PIPOX: variants seen among roughly 807,000 people sequenced by gnomAD.
PIPOX encodes the protein pipecolic acid and sarcosine oxidase.
In PIPOX, 45 loss-of-function variants were observed where a neutral mutation model predicts 47.9. That is an observed-to-expected ratio of 0.94 (90% CI 0.74 to 1.20). PIPOX has a LOEUF of 1.20. Ranked by LOEUF, PIPOX falls within the 50% of genes most tolerant of loss-of-function variation. PIPOX has a pLI of 0.00. For missense variants in PIPOX, 458 were observed against 498.4 expected, an observed-to-expected ratio of 0.92 and a Z score of 0.77; for synonymous variants, 165 against 191.3, an observed-to-expected ratio of 0.86 and a Z score of 1.13.
chr17:29,043,421 C>A, intron 1 of PIPOX, 82 bp downstream of exon 1: 1 of 982,148 alleles, frequency 1.0e-6, no homozygotes, highest in Non-Finnish European at 1.6e-6. Flanking sequence ...AGCCAGCAGG[C>A]TACAGGGCAA....
chr17:29,046,698 G>A (rs2065786658), intron 2 of PIPOX: 1 of 985,254 alleles, frequency 1.0e-6, no homozygotes, highest in South Asian at 4.7e-5. Context: ...GAGGGAGAGG[G>A]ATCCTTGGGT....
At chr17:29,051,380 C>T (rs568704088) in intron 2 of PIPOX, among the ~76,000 whole-genome samples, 1 of 152,280 alleles carries the variant, frequency 6.6e-6, no homozygotes, top group East Asian at 1.9e-4. Context: ...CCACGGTGTC[C>T]CTACCCCCTC....
chr17:29,056,170 C>T lies in PIPOX; in HGVS notation c.1043-5C>T. 1 of 1,614,036 alleles carries T rather than the reference C, an allele frequency of 6.2e-7. No homozygotes were observed. Among genetic ancestry groups the T allele is most frequent in the Non-Finnish European group, 8.5e-7 (1 of 1,179,962 alleles). On this transcript the variant is annotated splice_polypyrimidine_tract_variant and splice_region_variant and intron_variant, in intron 7 of 7. Coordinates refer to ENST00000323372, the MANE Select transcript of PIPOX (RefSeq NM_016518.3). Reference sequence around the variant, plus strand: ...CTGCCTGAGAGTCTGCTCTTCCCTTCCTAGGGCACGGGTTCAAGCTGGCCC... The same window carrying T: ...CTGCCTGAGAGTCTGCTCTTCCCTTTCTAGGGCACGGGTTCAAGCTGGCCC...
At chr17:29,054,991 G>C in intron 5 of PIPOX, 72 bp from the exon 6 acceptor site, 1 of 1,583,604 alleles carries the variant, frequency 6.3e-7, no homozygotes, top group Non-Finnish European at 8.6e-7. Context: ...CTGTGTACAC[G>C]CCTGCCCTTC....
chr17:29,052,802 G>C, intron 2 of PIPOX, 118 bp from the exon 3 acceptor site: 1 of 811,648 alleles, frequency 1.2e-6, no homozygotes, highest in East Asian at 2.7e-5. Context: ...CAAATTAGTG[G>C]CCTCAAGTCA....
At chr17:29,049,503 A>G (rs549037356) in intron 2 of PIPOX, among the ~76,000 whole-genome samples, 13 of 152,172 alleles carry the variant, frequency 8.5e-5, no homozygotes, top group Non-Finnish European at 1.8e-4. Flanking sequence ...AAGCACTTAA[A>G]TGATTTTCAA....
intron 2 of PIPOX, among the ~76,000 whole-genome samples, chr17:29,049,478 A>T (rs1254054854): frequency 6.6e-6 from 1 of 152,204 alleles, no homozygotes; most frequent in Non-Finnish European, 1.5e-5. Flanking sequence ...ATCTAGAAAA[A>T]GCCATTAAGA....
chr17:29,051,115 T>C (rs1444855527), intron 2 of PIPOX, among the ~76,000 whole-genome samples: 5 of 151,926 alleles, frequency 3.3e-5, no homozygotes, highest in African/African-American at 1.2e-4. Context: ...AGCAAGACTC[T>C]GTCTTGGGAA....
chr17:29,043,894 A>G (rs1419426447), intron 1 of PIPOX, among the ~76,000 whole-genome samples: 1 of 151,736 alleles, frequency 6.6e-6, no homozygotes, highest in African/African-American at 2.4e-5. Flanking sequence ...CTGAGGCCTT[A>G]TTTTTCCTGC....
rs1319469403 is a variant in PIPOX, at chr17:29,053,074, G to C, written c.418G>C (p.Gly140Arg). ...PNIRLPRGEV[G>R]LLDNSGGVIY... ...TATTCGGTTGCCCAGGGGAGAAGTG[G>C]GGCTCTTGGACAATTCCGGAGGAGT... The change falls in exon 3 of 8, where the codon GGG becomes CGG. Residue 140 changes from glycine (G) to arginine (R), a missense_variant. Coordinates refer to ENST00000323372, the MANE Select transcript of PIPOX (RefSeq NM_016518.3). 1 of 1,614,190 alleles carries C rather than the reference G, an allele frequency of 6.2e-7. No homozygotes were observed. The highest frequency in any genetic ancestry group is 2.2e-5 in the East Asian group (1 of 44,884).
rs1374111902 is a variant in PIPOX, at chr17:29,053,512, T to C, written c.577T>C (p.Tyr193His). ...CACGGTGAAAACCACCTCCAGGAGC[T>C]ACCAAGCTAAGAGCTTGGTCATCAC... ...LVTVKTTSRS[Y>H]QAKSLVITAG... Residue 193 changes from tyrosine to histidine, a missense_variant, in exon 4 of 8, where the codon TAC becomes CAC. By Grantham distance (83) the Tyr-to-His change is moderately conservative (BLOSUM62 2). Transcript: ENST00000323372. The C allele has an allele frequency of 1.2e-6, 2 of 1,613,986 alleles. No homozygotes were observed. Among genetic ancestry groups the C allele is most frequent in the Non-Finnish European group, 1.7e-6 (2 of 1,179,878 alleles).
chr17:29,052,824 C>T (rs2065811253), intron 2 of PIPOX, 96 bp from the exon 3 acceptor site: 1 of 1,025,672 alleles, frequency 9.7e-7, no homozygotes, highest in Non-Finnish European at 1.5e-6. Flanking sequence ...CCTCCTGCCT[C>T]AGCCTCCTGA....
At chr17:29,051,109 A>C (rs1598238188) in intron 2 of PIPOX, among the ~76,000 whole-genome samples, 1 of 152,246 alleles carries the variant, frequency 6.6e-6, no homozygotes, top group African/African-American at 2.4e-5. Context: ...TGACAGAGCA[A>C]GACTCTGTCT....
chr17:29,052,951 G>A lies in PIPOX; in HGVS notation c.295G>A (p.Glu99Lys), dbSNP rs58011977. ...QTGLLLLGMK[E>K]NQELKTIQAN... ...TGGATTACTGCTGCTGGGAATGAAA[G>A]AGAATCAAGAATTAAAGACAATCCA... The change falls in exon 3 of 8, where the codon GAG (glutamate) becomes AAG (lysine). Residue 99 changes from glutamate to lysine, a missense_variant. Glu to Lys is a moderately conservative substitution (Grantham distance 56). Coordinates refer to ENST00000323372, the MANE Select transcript of PIPOX (RefSeq NM_016518.3). 154 of 1,614,234 alleles carry A rather than the reference G, an allele frequency of 9.5e-5. 2 individuals carry two copies. In the African/African-American group the frequency reaches 1.7e-3, roughly 18 times the overall value.
chr17:29,052,184 G>A (rs1288589104), intron 2 of PIPOX, among the ~76,000 whole-genome samples: 2 of 152,166 alleles, frequency 1.3e-5, no homozygotes, highest in Non-Finnish European at 2.9e-5. Context: ...AGAGGGAAGC[G>A]GGGAGGGCAG....
chr17:29,051,275 C>T (rs1948790276), intron 2 of PIPOX, among the ~76,000 whole-genome samples: 1 of 152,228 alleles, frequency 6.6e-6, no homozygotes, highest in African/African-American at 2.4e-5. Flanking sequence ...GCTCTCGTTG[C>T]TATCTCGCTG....
chr17:29,056,297 C>T lies in PIPOX; in HGVS notation c.1165C>T (p.His389Tyr), dbSNP rs779644133. 2 of 1,614,146 alleles carry T rather than the reference C, an allele frequency of 1.2e-6. No homozygotes were observed. Among genetic ancestry groups the T allele is most frequent in the East Asian group, 2.2e-5 (1 of 44,878 alleles). The part of the protein sequence containing the change: ...ISRFPSLGKA[H>Y]L ...CCGTTTCCCAAGCCTGGGCAAAGCC[C>T]ACCTTTGACCTCTGGCCAGAAGCCT... is the stretch of plus-strand genomic sequence containing the variant. Residue 389 changes from histidine (H) to tyrosine (Y), a missense_variant, in exon 8 of 8, where the codon CAC becomes TAC. By Grantham distance (83) the His-to-Tyr change is moderately conservative. Transcript: ENST00000323372.
intron 2 of PIPOX, among the ~76,000 whole-genome samples, chr17:29,045,806 CT>C (rs924197907): frequency 6.6e-6 from 1 of 152,126 alleles, no homozygotes; most frequent in Non-Finnish European, 1.5e-5. Context: ...CTCTGAGTAC[CT>C]TTTCCTGTAG....
At chr17:29,053,975 G>A (rs1230518682) in intron 4 of PIPOX, among the ~76,000 whole-genome samples, 1 of 152,134 alleles carries the variant, frequency 6.6e-6, no homozygotes, top group Non-Finnish European at 1.5e-5. Context: ...GAGCCCAGGA[G>A]TTCAAGACCA....
Sources: gnomAD v4.1 joint callset for allele counts (sites outside exome capture counted in the v4.1 genomes callset) on GRCh38, gnomAD v4.1.1 for gene constraint, MANE v1.5 for transcripts, NCBI Gene and HGNC (gene_info 2026-07-23, HGNC 2026-07-21) for gene names.